The following RUNX1T1 variants were observed in gnomAD, a reference collection of about 807,000 sequenced individuals.
RUNX1T1 encodes the protein protein CBFA2T1.
RUNX1T1 carries 4 observed loss-of-function variants against 62.8 expected under a neutral mutation model. The observed-to-expected ratio is 0.06, with a 90% CI of 0.03 to 0.15. The LOEUF (loss-of-function observed/expected upper bound fraction) is 0.15, where lower values mean the gene tolerates loss of function less well. Among genes scored for constraint, RUNX1T1 ranks in the 10% least tolerant of loss-of-function variants. RUNX1T1 has a pLI of 1.00. For missense variants in RUNX1T1, 508 were observed against 754.3 expected, an observed-to-expected ratio of 0.67 and a Z score of 3.82; for synonymous variants, 291 against 286.0, an observed-to-expected ratio of 1.02 and a Z score of -0.18.
At chr8:92,014,676 C>T (rs866831301) in exon 3 of RUNX1T1, 1 of 1,613,990 alleles carries the variant, frequency 6.2e-7, no homozygotes, top group Non-Finnish European at 8.5e-7. Flanking sequence ...TTTCAGCTTG[C>T]TGAGTTGCCT....
At chr8:92,030,989 T>C (rs532414532) in intron 1 of RUNX1T1, among the ~76,000 whole-genome samples, 2 of 152,348 alleles carry the variant, frequency 1.3e-5, no homozygotes, top group East Asian at 1.9e-4. Context: ...TTGATAGTTA[T>C]ATGTGGAACC....
intron 1 of RUNX1T1, among the ~76,000 whole-genome samples, chr8:92,034,797 T>TATAC (rs1827054240): frequency 2.1e-5 from 2 of 96,850 alleles, no homozygotes; most frequent in South Asian, 3.0e-4. Flanking sequence ...TATACATATA[T>TATAC]ACACACACAC....
chr8:92,102,813 CCCCGCCGCCCG>C (rs1160571617), upstream of RUNX1T1: 2 of 1,491,294 alleles, frequency 1.3e-6, no homozygotes, highest in Non-Finnish European at 1.8e-6. This position sits in a 1 kb window ranked among gnomAD's most constrained non-coding sequence, Gnocchi z 4.5. Context: ...AGGGGCCCGA[CCCCGCCGCCCG>C]CCCGCCGGCC....
chr8:91,998,284 A>G lies in RUNX1T1; in HGVS notation c.660-6395T>C, dbSNP rs540307033. On this transcript the variant is annotated intron_variant, in intron 5 of 10. Transcript: ENST00000396218. ...CCCAGCGTCCTTAAAAAGAAAATCA[A>G]ACCTAATTCTTCATGACAACCTGCA... Among the ~76,000 whole-genome samples the G allele has an allele frequency of 2.0e-4, 30 of 152,338 alleles. 1 individual carries two copies. The East Asian group carries it at 5.4e-3, about 27-fold the overall frequency.
chr8:92,048,497 A>C (rs1248353136), intron 1 of RUNX1T1, among the ~76,000 whole-genome samples: 1 of 152,104 alleles, frequency 6.6e-6, no homozygotes, highest in Non-Finnish European at 1.5e-5. Flanking sequence ...TGGACAACAC[A>C]GTGAGACCCC....
chr8:91,962,246 G>A (rs1236269585), intron 10 of RUNX1T1, among the ~76,000 whole-genome samples: 1 of 152,094 alleles, frequency 6.6e-6, no homozygotes, highest in African/African-American at 2.4e-5. Flanking sequence ...GCTATGTTGA[G>A]CAGAAAAGCT....
intron 1 of RUNX1T1, chr8:92,095,480 A>AGT: frequency 6.5e-7 from 1 of 1,530,498 alleles, no homozygotes; most frequent in Non-Finnish European, 8.7e-7. Context: ...TGTGTGAGTG[A>AGT]GTGTGTGAGC....
chr8:92,089,528 G>A (rs1164334818), intron 1 of RUNX1T1, among the ~76,000 whole-genome samples: 1 of 151,988 alleles, frequency 6.6e-6, no homozygotes, highest in Non-Finnish European at 1.5e-5. Context: ...GAGACCGGGG[G>A]TATGGTGAAT....
At chr8:92,026,553 G>A (rs1227386363) in intron 1 of RUNX1T1, among the ~76,000 whole-genome samples, 1 of 152,238 alleles carries the variant, frequency 6.6e-6, no homozygotes, top group Non-Finnish European at 1.5e-5. Flanking sequence ...TGGGCACAGT[G>A]GCTCATGCCT....
intron 10 of RUNX1T1, among the ~76,000 whole-genome samples, chr8:91,969,788 A>G (rs1455495246): frequency 6.6e-6 from 1 of 152,152 alleles, no homozygotes; most frequent in Non-Finnish European, 1.5e-5. Flanking sequence ...ATAGATATGT[A>G]TTGTAGTAGA....
chr8:92,002,741 C>T (rs1820009123), intron 5 of RUNX1T1, among the ~76,000 whole-genome samples: 1 of 152,098 alleles, frequency 6.6e-6, no homozygotes, highest in Non-Finnish European at 1.5e-5. Flanking sequence ...GGCTGCTCAT[C>T]CATGTCAGAC....
chr8:91,963,948 T>C (rs1248604890), intron 10 of RUNX1T1, among the ~76,000 whole-genome samples: 1 of 152,204 alleles, frequency 6.6e-6, no homozygotes, highest in Non-Finnish European at 1.5e-5. Context: ...CTCATGGCAC[T>C]TTATAGTATT....
chr8:92,057,433 T>C (rs1831217943), intron 1 of RUNX1T1, among the ~76,000 whole-genome samples: 1 of 152,194 alleles, frequency 6.6e-6, no homozygotes. Flanking sequence ...TTCAAATAGA[T>C]CACATGGTAA....
intron 9 of RUNX1T1, among the ~76,000 whole-genome samples, chr8:91,973,098 A>T (rs980171454): frequency 2.0e-5 from 3 of 152,018 alleles, no homozygotes; most frequent in African/African-American, 7.2e-5. Context: ...CTGTAGATTA[A>T]ATAATAGTCT....
chr8:91,959,655 G>T, exon 11 of RUNX1T1: 1 of 227,256 alleles, frequency 4.4e-6, no homozygotes, highest in Non-Finnish European at 8.8e-6. Context: ...GAACATCTGT[G>T]TCTCCTTCCA....
At chr8:92,014,305 T>TTA (rs1366233555) in intron 3 of RUNX1T1, among the ~76,000 whole-genome samples, 1 of 145,928 alleles carries the variant, frequency 6.9e-6, no homozygotes, top group African/African-American at 2.6e-5. Flanking sequence ...ACACACACAT[T>TTA]TATATATATA....
chr8:91,991,715 C>T (rs905980493), exon 6 of RUNX1T1: 1 of 1,614,060 alleles, frequency 6.2e-7, no homozygotes, highest in Non-Finnish European at 8.5e-7. Context: ...GGGCAATGGC[C>T]ATATCATCCA....
intron 1 of RUNX1T1, among the ~76,000 whole-genome samples, chr8:92,040,985 A>G (rs1828335644): frequency 6.6e-6 from 1 of 152,198 alleles, no homozygotes; most frequent in Non-Finnish European, 1.5e-5. Context: ...CTGGGATTAC[A>G]AGCATTAGCC....
chr8:92,055,936 C>T (rs1830964197), intron 1 of RUNX1T1, among the ~76,000 whole-genome samples: 3 of 152,134 alleles, frequency 2.0e-5, no homozygotes. Flanking sequence ...GGTTCAGATA[C>T]AACCATAACA....
Sources: gnomAD v4.1 joint callset for allele counts (sites outside exome capture counted in the v4.1 genomes callset) on GRCh38, gnomAD v4.1.1 for gene constraint, Gnocchi (gnomAD v3.1) non-coding constraint, MANE v1.5 for transcripts, NCBI Gene and HGNC (gene_info 2026-07-23, HGNC 2026-07-21) for gene names.